The following XKR4 variants were observed in gnomAD, a reference collection of about 807,000 sequenced individuals.
The protein encoded by XKR4 is XK-related protein 4.
Under a neutral mutation model 53.9 loss-of-function variants are expected in XKR4, and 12 were observed. That is an observed-to-expected ratio of 0.22 (90% CI 0.14 to 0.36). The LOEUF (loss-of-function observed/expected upper bound fraction) is 0.36, where lower values mean the gene tolerates loss of function less well. XKR4 is among the 10% of genes least tolerant of loss of function. The pLI, the probability that XKR4 is intolerant of heterozygous loss-of-function variation, is 1.00. For missense variants in XKR4, 799 were observed against 859.5 expected (o/e 0.93, Z 0.88); for synonymous variants, 354 against 362.4 (o/e 0.98, Z 0.26).
intron 1 of XKR4, among the ~76,000 whole-genome samples, chr8:55,150,714 A>G (rs1047523630): frequency 6.6e-6 from 1 of 152,164 alleles, no homozygotes; most frequent in Non-Finnish European, 1.5e-5. Context: ...CATCTCTTAT[A>G]TAACATTTAT....
chr8:55,248,642 T>C (rs1366784472), intron 1 of XKR4, among the ~76,000 whole-genome samples: 1 of 152,254 alleles, frequency 6.6e-6, no homozygotes, highest in East Asian at 1.9e-4. Flanking sequence ...CTAACTTTTT[T>C]TTTGCATGTT....
At chr8:55,164,974 A>G (rs200639344) in intron 1 of XKR4, among the ~76,000 whole-genome samples, 1 of 152,160 alleles carries the variant, frequency 6.6e-6, no homozygotes, top group East Asian at 1.9e-4. Context: ...ATTCACTCGG[A>G]GGCAAGGTGG....
intron 1 of XKR4, among the ~76,000 whole-genome samples, chr8:55,180,317 G>T (rs557100164): frequency 2.0e-5 from 3 of 152,318 alleles, no homozygotes; most frequent in East Asian, 1.9e-4. Flanking sequence ...TGGATATGCA[G>T]CTGCTGTATC....
intron 2 of XKR4, among the ~76,000 whole-genome samples, chr8:55,489,441 C>T (rs1238451132): frequency 6.6e-6 from 1 of 151,964 alleles, no homozygotes; most frequent in Non-Finnish European, 1.5e-5. Context: ...ATAGTTACAA[C>T]AAAAACATGG....
At position 55,301,007 on chromosome 8, in the gene XKR4, TATG is replaced by T. The variant is rs1290562533; in HGVS notation, c.807-56668_807-56666del. On this transcript the variant is annotated intron_variant, in intron 1 of 2. Transcript: ENST00000327381. ...TATTTTTTTATTTATTTTTTATTAT[TATG>T]ATACTTTAAGTTTTAGGGTACATGT... Among the ~76,000 whole-genome samples the T allele has an allele frequency of 8.5e-5, 13 of 152,222 alleles. No individual in the cohort carries two copies. In the South Asian group the frequency reaches 2.5e-3, roughly 29 times the overall value.
At chr8:55,283,909 G>A (rs1818872676) in intron 1 of XKR4, among the ~76,000 whole-genome samples, 1 of 152,064 alleles carries the variant, frequency 6.6e-6, no homozygotes, top group Non-Finnish European at 1.5e-5. Flanking sequence ...ATTGCCCTTT[G>A]GTAAGTTTTT....
chr8:55,132,197 C>A (rs1287786473), intron 1 of XKR4, among the ~76,000 whole-genome samples: 6 of 152,210 alleles, frequency 3.9e-5, no homozygotes. Flanking sequence ...TTAATTCTCA[C>A]AGTCACTACA....
chr8:55,256,152 C>A (rs979898894), intron 1 of XKR4, among the ~76,000 whole-genome samples: 1 of 151,890 alleles, frequency 6.6e-6, no homozygotes, highest in Admixed American at 6.6e-5. Context: ...GGATACTTCA[C>A]AAAATTAGGT....
Position 55,527,984 on chromosome 8 carries a change from G to A in XKR4, c.*3757G>A, listed in dbSNP as rs571995145. ...TGTACATACATATATGTATATATAC[G>A]TACCTATATATGTATGTACACACAC... On this transcript the variant is annotated 3_prime_UTR_variant, in exon 3 of 3. Transcript: ENST00000327381. 6.6e-5 allele frequency: 10 copies of A among 151,616 alleles called. No individual in the cohort carries two copies. Among genetic ancestry groups the A allele is most frequent in the East Asian group, 1.9e-4 (1 of 5,162 alleles). 9.4% of individuals were successfully genotyped at this position (151,616 alleles called of 1,614,324 possible).
chr8:55,172,370 G>A (rs181982455), intron 1 of XKR4, among the ~76,000 whole-genome samples: 94 of 152,174 alleles, frequency 6.2e-4, no homozygotes, highest in African/African-American at 2.1e-3. Flanking sequence ...AATCCATCCA[G>A]TGTGAAAAAT....
At chr8:55,186,980 A>G (rs1817387808) in intron 1 of XKR4, among the ~76,000 whole-genome samples, 1 of 149,728 alleles carries the variant, frequency 6.7e-6, no homozygotes, top group African/African-American at 2.4e-5. Flanking sequence ...TAGTTGCGCT[A>G]TTTTTTTTTT....
chr8:55,137,826 C>T (rs1816652456), intron 1 of XKR4, among the ~76,000 whole-genome samples: 1 of 152,068 alleles, frequency 6.6e-6, no homozygotes, highest in African/African-American at 2.4e-5. Flanking sequence ...CCCACCTTGG[C>T]CTTCCAAAGT....
At chr8:55,238,823 G>A (rs892300169) in intron 1 of XKR4, among the ~76,000 whole-genome samples, 1 of 152,186 alleles carries the variant, frequency 6.6e-6, no homozygotes, top group Non-Finnish European at 1.5e-5. Flanking sequence ...ATCCATCCAT[G>A]TTAGCAACAA....
At chr8:55,299,383 A>C (rs751299583) in intron 1 of XKR4, among the ~76,000 whole-genome samples, 2 of 152,192 alleles carry the variant, frequency 1.3e-5, no homozygotes, top group Non-Finnish European at 2.9e-5. Flanking sequence ...TGAAGGGCTG[A>C]GGGAGAAGCC....
At chr8:55,118,874 G>T (rs1816349578) in intron 1 of XKR4, among the ~76,000 whole-genome samples, 1 of 151,858 alleles carries the variant, frequency 6.6e-6, no homozygotes, top group Admixed American at 6.6e-5. Context: ...CGAAGTTCAT[G>T]GCACAAAAAT....
At chr8:55,505,660 A>G (rs1294887314) in intron 2 of XKR4, among the ~76,000 whole-genome samples, 1 of 152,212 alleles carries the variant, frequency 6.6e-6, no homozygotes, top group Non-Finnish European at 1.5e-5. Context: ...GTTTCATCTC[A>G]TTGTGATCCG....
At chr8:55,315,601 G>A (rs1014835062) in intron 1 of XKR4, among the ~76,000 whole-genome samples, 1 of 152,146 alleles carries the variant, frequency 6.6e-6, no homozygotes, top group African/African-American at 2.4e-5. Flanking sequence ...CAAGGCCACA[G>A]TGAACTATGA....
At position 55,276,062 on chromosome 8, in the gene XKR4, G is replaced by A. The variant is rs1818759182; in HGVS notation, c.807-81616G>A. Among the ~76,000 whole-genome samples, 5 of 152,308 alleles carry A rather than the reference G, an allele frequency of 3.3e-5. No individual in the cohort carries two copies. The South Asian group carries it at 1.0e-3, about 32-fold the overall frequency. Reference sequence around the variant, plus strand: ...GCGCTTCAAATAGTGTGATTGTTAAGGCTCCGGGTAAATTAGTAAAAACAA... The same window carrying A: ...GCGCTTCAAATAGTGTGATTGTTAAAGCTCCGGGTAAATTAGTAAAAACAA... On this transcript the variant is annotated intron_variant, in intron 1 of 2. Transcript: ENST00000327381.
chr8:55,273,819 C>T (rs1242283893), intron 1 of XKR4, among the ~76,000 whole-genome samples: 1 of 152,148 alleles, frequency 6.6e-6, no homozygotes, highest in African/African-American at 2.4e-5. Context: ...TCTGGTCTCC[C>T]ACACAGCCAG....
Sources: gnomAD v4.1 joint callset for allele counts (sites outside exome capture counted in the v4.1 genomes callset) on GRCh38, gnomAD v4.1.1 for gene constraint, MANE v1.5 for transcripts, NCBI Gene and HGNC (gene_info 2026-07-23, HGNC 2026-07-21) for gene names.